The following ZNF679 variants were observed in gnomAD, a reference collection of about 807,000 sequenced individuals.
ZNF679 encodes zinc finger protein 679.
A neutral mutation model predicts 13.4 loss-of-function variants in ZNF679; 10 were observed. The ratio of observed to expected loss-of-function variants is 0.75; its 90% CI spans 0.46 to 1.27. ZNF679 has a LOEUF of 1.27. ZNF679 is among the 50% of genes most tolerant of loss of function. The probability of loss-of-function intolerance (pLI) is 0.00; values close to 1 mark genes in which losing one functional copy is unlikely to be tolerated. For synonymous variants in ZNF679, 179 were observed against 162.5 expected, an observed-to-expected ratio of 1.10 and a Z score of -0.77; for missense variants, 525 against 477.8, an observed-to-expected ratio of 1.10 and a Z score of -0.92.
At chr7:64,248,028 TAA>T (rs1787891478) in intron 1 of ZNF679, among the ~76,000 whole-genome samples, 1 of 152,110 alleles carries the variant, frequency 6.6e-6, no homozygotes, top group Admixed American at 6.5e-5. Context: ...ACTTTTTTTT[TAA>T]GTGGTTTAAT....
intron 2 of ZNF679, among the ~76,000 whole-genome samples, chr7:64,258,654 T>G (rs1307666272): frequency 6.7e-6 from 1 of 150,356 alleles, no homozygotes; most frequent in Non-Finnish European, 1.5e-5. Flanking sequence ...TGAGCCAAGA[T>G]TGCACCACTG....
At chr7:64,244,249 C>T (rs928053404) in intron 1 of ZNF679, among the ~76,000 whole-genome samples, 1 of 152,066 alleles carries the variant, frequency 6.6e-6, no homozygotes, top group Non-Finnish European at 1.5e-5. Context: ...GACTCCATCT[C>T]ACAAAATAAT....
intron 1 of ZNF679, among the ~76,000 whole-genome samples, chr7:64,241,471 G>A (rs900419119): frequency 9.2e-5 from 14 of 152,314 alleles, no homozygotes; most frequent in African/African-American, 3.1e-4. Flanking sequence ...TGGGCCCAGC[G>A]ATATGTCACA....
intron 1 of ZNF679, among the ~76,000 whole-genome samples, chr7:64,231,760 A>T (rs1787642921): frequency 6.6e-6 from 1 of 152,156 alleles, no homozygotes; most frequent in Admixed American, 6.5e-5. Flanking sequence ...CAGGAGCATC[A>T]CATCACCTAT....
intron 1 of ZNF679, among the ~76,000 whole-genome samples, chr7:64,242,731 C>A (rs187369531): frequency 6.6e-6 from 1 of 151,786 alleles, no homozygotes; most frequent in Non-Finnish European, 1.5e-5. Flanking sequence ...CATCTGAGGG[C>A]TTTAGACAAT....
chr7:64,242,500 G>C (rs758510868), intron 1 of ZNF679, among the ~76,000 whole-genome samples: 18 of 152,166 alleles, frequency 1.2e-4, no homozygotes, highest in Non-Finnish European at 1.9e-4. Context: ...AGTCATTTTT[G>C]TTCCTATAAT....
At chr7:64,251,297 C>A (rs969622236) in intron 2 of ZNF679, among the ~76,000 whole-genome samples, 2 of 151,740 alleles carry the variant, frequency 1.3e-5, no homozygotes, top group African/African-American at 4.8e-5. Flanking sequence ...ACTAAAAATA[C>A]AAAAAAATTA....
chr7:64,261,049 C>T, intron 4 of ZNF679, 120 bp downstream of exon 4: 2 of 1,048,070 alleles, frequency 1.9e-6, no homozygotes, highest in Admixed American at 6.4e-5. Flanking sequence ...TCTAAGAAGC[C>T]CGAGTCATTT....
At chr7:64,240,447 T>C (rs1787783268) in intron 1 of ZNF679, among the ~76,000 whole-genome samples, 1 of 152,210 alleles carries the variant, frequency 6.6e-6, no homozygotes, top group Non-Finnish European at 1.5e-5. Context: ...CTGGGTCTCC[T>C]ACTTAAATAA....
chr7:64,232,551 G>C (rs1427528579), intron 1 of ZNF679, among the ~76,000 whole-genome samples: 2 of 152,168 alleles, frequency 1.3e-5, no homozygotes, highest in Non-Finnish European at 2.9e-5. Flanking sequence ...TCTGTGCCAG[G>C]GATATGTCAC....
intron 1 of ZNF679, among the ~76,000 whole-genome samples, chr7:64,246,230 C>A (rs1584230239): frequency 6.6e-6 from 1 of 152,158 alleles, no homozygotes; most frequent in African/African-American, 2.4e-5. Flanking sequence ...CTCTAACTCC[C>A]CTAAATTGGG....
chr7:64,263,031 CT>C (rs1355683776), intron 4 of ZNF679, among the ~76,000 whole-genome samples: 1 of 138,146 alleles, frequency 7.2e-6, no homozygotes, highest in Non-Finnish European at 1.6e-5. Context: ...CCAGTTTTAC[CT>C]TTTTTCTTTT....
chr7:64,262,373 C>T (rs1788088285), intron 4 of ZNF679, among the ~76,000 whole-genome samples: 1 of 152,176 alleles, frequency 6.6e-6, no homozygotes, highest in Non-Finnish European at 1.5e-5. Flanking sequence ...GTTGCTCATG[C>T]ATTTGATGGC....
At position 64,266,395 on chromosome 7, in the gene ZNF679, C is replaced by T. The variant is rs774276105; in HGVS notation, c.762C>T (p.Thr254=). The T allele has an allele frequency of 2.5e-6, 4 of 1,612,442 alleles. No homozygotes were observed. Among genetic ancestry groups the T allele is most frequent in the African/African-American group, 2.7e-5 (2 of 74,748 alleles). The part of the protein sequence containing the change: ...ECGKAFTWSS[T]LTKHRRIHTG... ...GCAAAGCTTTTACCTGGTCCTCAAC[C>T]CTTACTAAACATAGGAGAATTCATA... The change falls in exon 5 of 5, where the codon ACC becomes ACT. Residue 254 remains threonine, a synonymous_variant. Transcript: ENST00000421025.
chr7:64,230,299 C>T (rs907355879), intron 1 of ZNF679, among the ~76,000 whole-genome samples: 16 of 151,668 alleles, frequency 1.1e-4, no homozygotes, highest in African/African-American at 3.4e-4. Context: ...TTTGGGAGGC[C>T]GAGGCGGGTG....
intron 1 of ZNF679, among the ~76,000 whole-genome samples, chr7:64,236,300 T>C (rs1309535143): frequency 6.6e-6 from 1 of 151,978 alleles, no homozygotes; most frequent in Admixed American, 6.6e-5. Flanking sequence ...ATTTTTAAGT[T>C]GAATGATTGT....
In ZNF679 at chr7:64,260,771, T is replaced by C. The variant is rs1238910988; in HGVS notation, c.167-63T>C. 3.3e-6 allele frequency: 5 copies of C among 1,502,758 alleles called. No individual in the cohort carries two copies. The Admixed American group carries it at 8.1e-5, about 24-fold the overall frequency. The allele number at this position is 1,502,758 out of a possible 1,614,324, so 93.1% of individuals were successfully genotyped here. The stretch of plus-strand genomic sequence containing the variant: ...ATTATATCCTCTTTACTAAGCATAA[T>C]ACTCGTTTGGTAATTAAAGAATTCA... On this transcript the variant is annotated intron_variant, in intron 3 of 4. Coordinates refer to ENST00000421025, the MANE Select transcript of ZNF679 (RefSeq NM_153363.3).
chr7:64,233,816 A>G (rs1787673411), intron 1 of ZNF679, among the ~76,000 whole-genome samples: 1 of 152,194 alleles, frequency 6.6e-6, no homozygotes, highest in South Asian at 2.1e-4. Context: ...TCAGAAGTGC[A>G]AAAGGTCTAC....
intron 2 of ZNF679, among the ~76,000 whole-genome samples, chr7:64,258,284 T>A (rs1788029737): frequency 6.6e-6 from 1 of 152,138 alleles, no homozygotes; most frequent in African/African-American, 2.4e-5. Flanking sequence ...TAGGTTGTGC[T>A]TTAAAGGCAT....
Sources: allele counts gnomAD v4.1 joint callset (sites outside exome capture counted in the v4.1 genomes callset), GRCh38; gene constraint gnomAD v4.1.1; transcripts MANE v1.5; gene names NCBI Gene and HGNC (gene_info 2026-07-23, HGNC 2026-07-21).